The following PHLPP2 variants were observed in gnomAD, a reference collection of about 807,000 sequenced individuals.
The protein encoded by PHLPP2 is PH domain and leucine rich repeat protein phosphatase 2.
Under a neutral mutation model 124.9 loss-of-function variants are expected in PHLPP2, and 66 were observed. The ratio of observed to expected loss-of-function variants is 0.53; its 90% CI spans 0.43 to 0.65. The LOEUF is 0.65. Among genes scored for constraint, PHLPP2 ranks in the 30% least tolerant of loss-of-function variants. The probability of loss-of-function intolerance (pLI) is 0.00; values close to 1 mark genes in which losing one functional copy is unlikely to be tolerated. For synonymous variants in PHLPP2, 681 were observed against 624.7 expected (o/e 1.09, Z -1.34); for missense variants, 1,685 against 1,600.4 (o/e 1.05, Z -0.90).
At position 71,646,251 on chromosome 16, in the gene PHLPP2, C is replaced by G. The variant is rs909594603; in HGVS notation, c.*2639G>C. On this transcript the variant is annotated 3_prime_UTR_variant, in exon 19 of 19. Coordinates refer to ENST00000568954, the MANE Select transcript of PHLPP2 (RefSeq NM_015020.3). ...TTATATTTTTCATAATGGGCTATGGCCTTTTTACCCTGTTTTAATACAGAG... is the reference window on the plus strand; with the variant it reads ...TTATATTTTTCATAATGGGCTATGGGCTTTTTACCCTGTTTTAATACAGAG... 6.6e-6 allele frequency: 1 copy of G among 152,278 alleles called. No individual in the cohort carries two copies. Among genetic ancestry groups the G allele is most frequent in the African/African-American group, 2.4e-5 (1 of 41,432 alleles). The allele number at this position is 152,278 out of a possible 1,614,324, so 9.4% of individuals were successfully genotyped here.
rs763109854 is a variant in PHLPP2, at chr16:71,681,810, G to C, written c.831C>G (p.Leu277=). Residue 277 remains leucine, a synonymous_variant, in exon 6 of 19, where the codon CTC becomes CTG. Coordinates refer to ENST00000568954, the MANE Select transcript of PHLPP2 (RefSeq NM_015020.3). ...HLFYSQDITY[L]NLRHNFMQLE... Reference sequence around the variant, plus strand: ...ACTGCATGAAGTTGTGTCGCAAGTTGAGGTAGGTAATATCTTGACTATAGA... The same window carrying C: ...ACTGCATGAAGTTGTGTCGCAAGTTCAGGTAGGTAATATCTTGACTATAGA... 8.7e-6 allele frequency: 14 copies of C among 1,613,802 alleles called. No homozygotes were observed. The highest frequency in any genetic ancestry group is 1.1e-5 in the Non-Finnish European group (13 of 1,179,862).
Position 71,663,931 on chromosome 16 carries a change from A to C in PHLPP2, c.1953T>G (p.Leu651=). ...GAAAGGTCTGTAACTGATTGTTTGCAAGGTGCAAGATTCGCAGGTGCAGGT... is the reference window on the plus strand; with the variant it reads ...GAAAGGTCTGTAACTGATTGTTTGCCAGGTGCAAGATTCGCAGGTGCAGGT... ...VGHLHLRILH[L]ANNQLQTFPA... is the part of the protein sequence containing the mutation. The change falls in exon 13 of 19, where the codon CTT becomes CTG. Residue 651 remains leucine, a synonymous_variant. Transcript: ENST00000568954. The C allele has an allele frequency of 6.2e-7, 1 of 1,614,170 alleles. No individual in the cohort carries two copies. The highest frequency in any genetic ancestry group is 8.5e-7 in the Non-Finnish European group (1 of 1,179,970).
chr16:71,679,089 C>A, intron 7 of PHLPP2, 104 bp from the exon 8 acceptor site: 1 of 688,392 alleles, frequency 1.5e-6, no homozygotes, highest in Non-Finnish European at 2.5e-6. Context: ...TATTATCAAT[C>A]CCAAAATAGT....
chr16:71,699,711 G>A (rs192474920), intron 3 of PHLPP2, among the ~76,000 whole-genome samples: 132 of 152,296 alleles, frequency 8.7e-4, no homozygotes, highest in Non-Finnish European at 1.4e-3. Context: ...TACGCAACAA[G>A]GCAAAGGGAC....
intron 11 of PHLPP2, among the ~76,000 whole-genome samples, chr16:71,667,585 A>G (rs1404891021): frequency 6.6e-6 from 1 of 152,250 alleles, no homozygotes; most frequent in Non-Finnish European, 1.5e-5. Context: ...GAGGAGATCT[A>G]TACTAAAAAG....
At chr16:71,707,201 C>T (rs1185921996) in intron 2 of PHLPP2, among the ~76,000 whole-genome samples, 2 of 151,882 alleles carry the variant, frequency 1.3e-5, no homozygotes, top group Admixed American at 6.6e-5. Context: ...GTGATCCGCC[C>T]GCCTCGGCCT....
intron 8 of PHLPP2, chr16:71,676,857 T>A: frequency 1.9e-6 from 1 of 516,908 alleles, no homozygotes; most frequent in Non-Finnish European, 3.5e-6. Context: ...AAAGCGATTC[T>A]CCTGCTTCAG....
In PHLPP2 at chr16:71,702,584, T is replaced by C. The variant is rs770408781; in HGVS notation, c.418+14A>G. The C allele has an allele frequency of 7.5e-6, 12 of 1,603,268 alleles. No homozygotes were observed. The highest frequency in any genetic ancestry group is 1.7e-5 in the Admixed American group (1 of 59,428). ...AAAAGTAGTTAACATACAAAGCCAC[T>C]GATAAATTCTTACCACCATAAAATC... On this transcript the variant is annotated intron_variant, in intron 3 of 18. Transcript: ENST00000568954.
chr16:71,684,987 T>C (rs2045040096), intron 4 of PHLPP2, among the ~76,000 whole-genome samples: 1 of 152,008 alleles, frequency 6.6e-6, no homozygotes, highest in Admixed American at 6.6e-5. Context: ...CCTCCCCCAT[T>C]CCTATTGGAG....
Position 71,714,577 on chromosome 16 carries a change from T to G in PHLPP2, c.219A>C (p.Ala73=). ...HLVLCTVETP[A]SEICAGEGRE... is the part of the protein sequence containing the mutation. ...TTCCCTCTCCAGCACATATTTCTGATGCTGGTGTCTCTACAGTGCAAAGGA... is the reference window on the plus strand; with the variant it reads ...TTCCCTCTCCAGCACATATTTCTGAGGCTGGTGTCTCTACAGTGCAAAGGA... Residue 73 remains alanine, a synonymous_variant, in exon 2 of 19, where the codon GCA becomes GCC. Coordinates refer to ENST00000568954, the MANE Select transcript of PHLPP2 (RefSeq NM_015020.3). The G allele has an allele frequency of 6.2e-7, 1 of 1,614,172 alleles. No individual in the cohort carries two copies. The highest frequency in any genetic ancestry group is 8.5e-7 in the Non-Finnish European group (1 of 1,180,010).
At chr16:71,656,537 T>A in intron 16 of PHLPP2, 34 bp downstream of exon 16, 1 of 1,332,634 alleles carries the variant, frequency 7.5e-7, no homozygotes, top group East Asian at 2.3e-5. Flanking sequence ...GGCTGCCTTT[T>A]TTCTTTCTCA....
chr16:71,708,791 C>T (rs966609679), intron 2 of PHLPP2, among the ~76,000 whole-genome samples: 6 of 151,452 alleles, frequency 4.0e-5, no homozygotes, highest in Admixed American at 6.6e-5. Context: ...ATCTCAGAAA[C>T]CAAAAAAAAG....
In PHLPP2 at chr16:71,649,626, T is replaced by G; in HGVS notation, c.3236A>C (p.Glu1079Ala). 6.2e-7 allele frequency: 1 copy of G among 1,614,150 alleles called. No individual in the cohort carries two copies. Among genetic ancestry groups the G allele is most frequent in the Non-Finnish European group, 8.5e-7 (1 of 1,180,032 alleles). ...TPSSSSGIAS[E>A]FSSEMSTSEV... The stretch of plus-strand genomic sequence containing the variant: ...TGAGGTGGACATCTCACTGCTGAAC[T>G]CAGAGGCAATCCCACTGCTAGAGGA... The change falls in exon 19 of 19, where the codon GAG becomes GCG. Residue 1079 changes from glutamate (E) to alanine (A), a missense_variant. By Grantham distance (107) the Glu-to-Ala change is moderately radical. Transcript: ENST00000568954.
intron 3 of PHLPP2, among the ~76,000 whole-genome samples, chr16:71,697,330 C>T (rs781593426): frequency 1.3e-5 from 2 of 152,106 alleles, no homozygotes; most frequent in African/African-American, 2.4e-5. Context: ...GAAGCACACA[C>T]TGGGGGTTTT....
intron 1 of PHLPP2, among the ~76,000 whole-genome samples, chr16:71,719,157 G>A (rs2045381713): frequency 6.6e-6 from 1 of 152,146 alleles, no homozygotes. Flanking sequence ...TTATAGAATT[G>A]TTATCACAAA....
chr16:71,701,183 A>G (rs1285634394), intron 3 of PHLPP2, among the ~76,000 whole-genome samples: 1 of 152,118 alleles, frequency 6.6e-6, no homozygotes, highest in Non-Finnish European at 1.5e-5. Context: ...TGGCCCACAA[A>G]AACTATATAA....
chr16:71,679,926 A>C (rs1447388065), intron 6 of PHLPP2, among the ~76,000 whole-genome samples: 2 of 152,092 alleles, frequency 1.3e-5, no homozygotes. Context: ...ACTAAAAAAC[A>C]GAAAAAATTA....
Position 71,681,760 on chromosome 16 carries a change from G to A in PHLPP2, c.881C>T (p.Thr294Ile), listed in dbSNP as rs989229464. 4.3e-6 allele frequency: 7 copies of A among 1,612,740 alleles called. No individual in the cohort carries two copies. The highest frequency in any genetic ancestry group is 1.3e-5 in the African/African-American group (1 of 74,886). ...CCCATTCTCCACATACTTGTAGAGT[G>A]TATCGAGGCCTCCGGGTCTTTCTAA... The part of the protein sequence containing the change: ...MQLERPGGLD[T>I]LYKFSQLKGL... Residue 294 changes from threonine to isoleucine, a missense_variant, in exon 6 of 19, where the codon ACA becomes ATA. Transcript: ENST00000568954.
chr16:71,676,729 A>C, intron 8 of PHLPP2, 80 bp from the exon 9 acceptor site: 1 of 1,041,154 alleles, frequency 9.6e-7, no homozygotes, highest in Non-Finnish European at 1.5e-6. Context: ...AAAAAATAGG[A>C]CAGGTATGAT....
Sources: gnomAD v4.1 joint callset for allele counts (sites outside exome capture counted in the v4.1 genomes callset) on GRCh38, gnomAD v4.1.1 for gene constraint, MANE v1.5 for transcripts, NCBI Gene and HGNC (gene_info 2026-07-23, HGNC 2026-07-21) for gene names.